The following VWA5B1 variants were observed in gnomAD, a reference collection of about 807,000 sequenced individuals.
The protein encoded by VWA5B1 is von Willebrand factor A domain containing 5B1, also known as von Willebrand factor A domain-containing protein 5B1.
VWA5B1 carries 115 observed loss-of-function variants against 118.2 expected under a neutral mutation model. The ratio of observed to expected loss-of-function variants is 0.97; its 90% CI spans 0.84 to 1.14. The LOEUF (loss-of-function observed/expected upper bound fraction) is 1.14. Ranked by LOEUF, VWA5B1 falls within the 50% of genes most tolerant of loss-of-function variation. The probability of loss-of-function intolerance (pLI) is 0.00; values close to 1 mark genes in which losing one functional copy is unlikely to be tolerated. For missense variants in VWA5B1, 1,596 were observed against 1,603.8 expected, an observed-to-expected ratio of 1.00 and a Z score of 0.08; for synonymous variants, 682 against 658.4, an observed-to-expected ratio of 1.04 and a Z score of -0.55.
intron 1 of VWA5B1, chr1:20,303,496 C>T (rs974589604): frequency 1.3e-5 from 2 of 152,272 alleles, no homozygotes; most frequent in African/African-American, 4.8e-5. Context: ...AGGCAGAGGC[C>T]CATGGGACCT....
chr1:20,348,849 G>T (rs1400356522), intron 18 of VWA5B1, among the ~76,000 whole-genome samples: 2 of 152,228 alleles, frequency 1.3e-5, no homozygotes, highest in Non-Finnish European at 1.5e-5. Flanking sequence ...TTGAAGAGCT[G>T]GGATTTGACC....
In VWA5B1 at chr1:20,323,546, G is replaced by T; in HGVS notation, c.1143+14G>T. On this transcript the variant is annotated intron_variant, in intron 8 of 21. Transcript: ENST00000289815. ...CACCGAGTCAAGGTACCTGCTGAGA[G>T]AACCCCTCCCGAGGACCCGGGGCTC... The T allele has an allele frequency of 7.2e-7, 1 of 1,396,048 alleles. No individual in the cohort carries two copies. Among genetic ancestry groups the T allele is most frequent in the South Asian group, 1.6e-5 (1 of 61,444 alleles). 86.5% of individuals were successfully genotyped at this position (1,396,048 alleles called of 1,614,324 possible).
In VWA5B1 at chr1:20,348,286, C is replaced by A; in HGVS notation, c.2806C>A (p.Gln936Lys). Residue 936 changes from glutamine (Q) to lysine (K), a missense_variant, in exon 18 of 22, where the codon CAG becomes AAG. By Grantham distance (53) the Gln-to-Lys change is moderately conservative. Transcript: ENST00000289815. ...GCTTGGCTCTCGGGCCCTGGCCCAA[C>A]AGTGGAGGGGCACCTCTTCTGGCTT... is the stretch of plus-strand genomic sequence containing the variant. ...RMLGSRALAQ[Q>K]WRGTSSGFGR... 6.4e-7 allele frequency: 1 copy of A among 1,551,708 alleles called. No homozygotes were observed.
At position 20,310,651 on chromosome 1, in the gene VWA5B1, C is replaced by T. The variant is rs777428530; in HGVS notation, c.50C>T (p.Ala17Val). The T allele has an allele frequency of 7.1e-6, 11 of 1,550,838 alleles. No individual in the cohort carries two copies. Among genetic ancestry groups the T allele is most frequent in the African/African-American group, 5.5e-5 (4 of 73,030 alleles). The change falls in exon 2 of 22, where the codon GCG becomes GTG. Residue 17 changes from alanine (A) to valine (V), a missense_variant. Ala to Val is a moderately conservative substitution (Grantham distance 64). Coordinates refer to ENST00000289815, the MANE Select transcript of VWA5B1 (RefSeq NM_001039500.3). ...WITGAALPLTASDVTSCVSGY... is the reference protein window; with the variant it reads ...WITGAALPLTVSDVTSCVSGY... ...ACGGGGGCAGCCCTGCCCCTCACCGCGTCTGATGTTACCTCCTGTGTCAGC... is the reference window on the plus strand; with the variant it reads ...ACGGGGGCAGCCCTGCCCCTCACCGTGTCTGATGTTACCTCCTGTGTCAGC...
intron 1 of VWA5B1, among the ~76,000 whole-genome samples, chr1:20,291,387 T>TCTCTCTCTCTCTCTCTCTCTCTCTCTC (rs57894456): frequency 1.3e-4 from 15 of 114,232 alleles, no homozygotes; most frequent in African/African-American, 4.2e-4. Flanking sequence ...CTCTCTCTCT[T>TCTCTCTCTCTCTCTCTCTCTCTCTCTC]TCTGTCTCCT....
intron 1 of VWA5B1, among the ~76,000 whole-genome samples, chr1:20,304,577 G>A (rs796515965): frequency 2.6e-5 from 4 of 152,246 alleles, no homozygotes; most frequent in South Asian, 4.2e-4. Flanking sequence ...GCACGTGCGT[G>A]CATGTGTGTG....
chr1:20,322,941 G>A (rs1178017645), intron 7 of VWA5B1, among the ~76,000 whole-genome samples: 1 of 152,216 alleles, frequency 6.6e-6, no homozygotes, highest in Admixed American at 6.5e-5. Flanking sequence ...ACATGAGCCA[G>A]AGAGCAGTAT....
Position 20,355,800 on chromosome 1 carries a change from C to T in VWA5B1, c.*1537C>T, listed in dbSNP as rs1318594551. Among the ~76,000 whole-genome samples the T allele has an allele frequency of 6.6e-6, 1 of 150,652 alleles. No individual in the cohort carries two copies. Among genetic ancestry groups the T allele is most frequent in the African/African-American group, 2.4e-5 (1 of 41,046 alleles). On this transcript the variant is annotated 3_prime_UTR_variant, in exon 22 of 22. Coordinates refer to ENST00000289815, the MANE Select transcript of VWA5B1 (RefSeq NM_001039500.3). ...CCCAACATGATATGGTGCCCTGCCC[C>T]CCACCCCCACCCCTCCATCTATGCC...
At chr1:20,307,861 G>C (rs974351975) in intron 1 of VWA5B1, among the ~76,000 whole-genome samples, 5 of 143,532 alleles carry the variant, frequency 3.5e-5, no homozygotes, top group Middle Eastern at 3.2e-3. Context: ...GCGTGCATGT[G>C]TGTGTATTTT....
chr1:20,344,512 C>T (rs1179149812), intron 16 of VWA5B1, among the ~76,000 whole-genome samples: 2 of 152,166 alleles, frequency 1.3e-5, no homozygotes, highest in African/African-American at 4.8e-5. Context: ...CAAATCATTA[C>T]ACAAATAATT....
intron 17 of VWA5B1, among the ~76,000 whole-genome samples, chr1:20,346,066 T>C (rs1275915329): frequency 6.6e-6 from 1 of 152,234 alleles, no homozygotes. Flanking sequence ...TAATATGTGC[T>C]ATATTTTACA....
chr1:20,291,395 C>CTCTCTCTCTCTCT (rs2088301828), intron 1 of VWA5B1, among the ~76,000 whole-genome samples: 1 of 144,774 alleles, frequency 6.9e-6, no homozygotes, highest in East Asian at 2.1e-4. Context: ...CTTTCTGTCT[C>CTCTCTCTCTCTCT]CTCTATTTCT....
In VWA5B1 at chr1:20,348,233, T is replaced by TCTTC; in HGVS notation, c.2765-10_2765-7dup. ...GTACCCAACCACCCGCTTCCCCTTG[T>TCTTC]CTTCCGCGAAGGAGCTGCCCTGCGT... On this transcript the variant is annotated splice_polypyrimidine_tract_variant and intron_variant, in intron 17 of 21. Coordinates refer to ENST00000289815, the MANE Select transcript of VWA5B1 (RefSeq NM_001039500.3). 1 of 1,551,202 alleles carries TCTTC rather than the reference T, an allele frequency of 6.4e-7. No homozygotes were observed.
In VWA5B1 at chr1:20,345,442, T is replaced by A. The variant is rs2089986298; in HGVS notation, c.2627-14T>A. ...TCTGAGTCCAAACAGTGACCCCAGTTTCTCCCTCCACAGGGTCCAACCGCC... is the reference window on the plus strand; with the variant it reads ...TCTGAGTCCAAACAGTGACCCCAGTATCTCCCTCCACAGGGTCCAACCGCC... On this transcript the variant is annotated splice_polypyrimidine_tract_variant and intron_variant, in intron 16 of 21. Transcript: ENST00000289815. The A allele has an allele frequency of 2.6e-6, 4 of 1,550,736 alleles. No homozygotes were observed. Among genetic ancestry groups the A allele is most frequent in the Non-Finnish European group, 3.5e-6 (4 of 1,146,944 alleles).
chr1:20,344,783 T>G (rs1047102935), intron 16 of VWA5B1, among the ~76,000 whole-genome samples: 1 of 152,250 alleles, frequency 6.6e-6, no homozygotes, highest in African/African-American at 2.4e-5. Context: ...ATTTTTGTAT[T>G]GTACGTGTTA....
intron 7 of VWA5B1, among the ~76,000 whole-genome samples, chr1:20,320,682 A>G (rs2089182902): frequency 6.6e-6 from 1 of 152,212 alleles, no homozygotes; most frequent in African/African-American, 2.4e-5. Flanking sequence ...TATTCTCACA[A>G]ACTCCAGGGA....
At position 20,323,488 on chromosome 1, in the gene VWA5B1, G is replaced by A. The variant is rs1235094111; in HGVS notation, c.1099G>A (p.Asp367Asn). The A allele has an allele frequency of 5.2e-6, 8 of 1,528,436 alleles. No individual in the cohort carries two copies. The highest frequency in any genetic ancestry group is 7.0e-6 in the Non-Finnish European group (8 of 1,136,158). 94.7% of individuals were successfully genotyped at this position (1,528,436 alleles called of 1,614,324 possible). A position where few individuals can be genotyped will look rare whatever the true frequency, so the allele number is the denominator to read the frequency against. The change falls in exon 8 of 22, where the codon GAC becomes AAC. Residue 367 changes from aspartate to asparagine, a missense_variant. By Grantham distance (23) the Asp-to-Asn change is conservative. Transcript: ENST00000289815. ...KAHGEFIFLI[D>N]RSSSMSGISM... Reference sequence around the variant, plus strand: ...CCACGGGGAGTTCATCTTCCTCATTGACAGGAGCAGCAGCATGAGCGGGAT... The same window carrying A: ...CCACGGGGAGTTCATCTTCCTCATTAACAGGAGCAGCAGCATGAGCGGGAT...
chr1:20,324,895 A>C (rs1286872422), intron 8 of VWA5B1, among the ~76,000 whole-genome samples: 3 of 152,194 alleles, frequency 2.0e-5, no homozygotes, highest in Non-Finnish European at 4.4e-5. Flanking sequence ...CGTCAGAGGC[A>C]AACATTGGAA....
intron 7 of VWA5B1, among the ~76,000 whole-genome samples, chr1:20,319,794 C>T (rs2089150064): frequency 6.6e-6 from 1 of 152,218 alleles, no homozygotes; most frequent in Non-Finnish European, 1.5e-5. Context: ...GCAGAATGGC[C>T]TTGGCCTCCT....
Sources: gnomAD v4.1 joint callset for allele counts (sites outside exome capture counted in the v4.1 genomes callset) on GRCh38, gnomAD v4.1.1 for gene constraint, MANE v1.5 for transcripts, NCBI Gene and HGNC (gene_info 2026-07-23, HGNC 2026-07-21) for gene names.